PHACTR2: variants seen among roughly 807,000 people sequenced by gnomAD.
The protein encoded by PHACTR2 is phosphatase and actin regulator 2, also known as chromosome 6 open reading frame 56.
Under a neutral mutation model 76.0 loss-of-function variants are expected in PHACTR2, and 30 were observed. The observed-to-expected ratio is 0.39, with a 90% confidence interval of 0.30 to 0.54. The LOEUF (loss-of-function observed/expected upper bound fraction) is 0.54, where lower values mean the gene tolerates loss of function less well. PHACTR2 is among the 20% of genes least tolerant of loss of function. The pLI is 0.61. For missense variants in PHACTR2, 696 were observed against 781.1 expected (o/e 0.89, Z 1.30); for synonymous variants, 292 against 292.5 (o/e 1.00, Z 0.02).
At position 143,750,451 on chromosome 6, in the gene PHACTR2, G is replaced by A. The variant is rs1779157968; in HGVS notation, c.295+1386G>A. Reference sequence around the variant, plus strand: ...ATACCCATTGAAAGCTTAACACTGGGCCATCAGCTTTATGGGATGGGCCAA... The same window carrying A: ...ATACCCATTGAAAGCTTAACACTGGACCATCAGCTTTATGGGATGGGCCAA... On this transcript the variant is annotated intron_variant, in intron 3 of 12. Transcript: ENST00000440869. This position sits in a 1 kb window ranked among gnomAD's most constrained non-coding sequence, Gnocchi z 4.6. 6.6e-6 allele frequency among the ~76,000 whole-genome samples: 1 copy of A among 152,050 alleles called. No homozygotes were observed. The highest frequency in any genetic ancestry group is 6.6e-5 in the Admixed American group (1 of 15,240).
At position 143,654,228 on chromosome 6, in the gene PHACTR2, G is replaced by A. The variant is rs1423336011; in HGVS notation, c.13+45906G>A. On this transcript the variant is annotated intron_variant, in intron 1 of 11. Coordinates refer to the PHACTR2 transcript ENST00000305766. The surrounding 1 kb of genome is among the most constrained non-coding windows in gnomAD (Gnocchi z 4.6). ...AATAACAAGTGTTTGCAAGGATTTG[G>A]AGAAATTGATGGTGGAAATTTAAAA... 2.0e-5 allele frequency among the ~76,000 whole-genome samples: 3 copies of A among 152,172 alleles called. No individual in the cohort carries two copies. The highest frequency in any genetic ancestry group is 2.0e-4 in the Admixed American group (3 of 15,274).
Position 143,793,633 on chromosome 6 carries a change from A to G in PHACTR2, c.1845+4723A>G, listed in dbSNP as rs1210040909. Among the ~76,000 whole-genome samples, 1 of 152,132 alleles carries G rather than the reference A, an allele frequency of 6.6e-6. No individual in the cohort carries two copies. Among genetic ancestry groups the G allele is most frequent in the Non-Finnish European group, 1.5e-5 (1 of 68,030 alleles). ...TAAATAGAAAAAATATTGGCCAGGCATGGTGGCTCATGCCTGTAATCCTAG... is the reference window on the plus strand; with the variant it reads ...TAAATAGAAAAAATATTGGCCAGGCGTGGTGGCTCATGCCTGTAATCCTAG... On this transcript the variant is annotated intron_variant, in intron 11 of 12. Coordinates refer to ENST00000440869, the MANE Select transcript of PHACTR2 (RefSeq NM_001100164.2). The surrounding 1 kb of genome is among the most constrained non-coding windows in gnomAD (Gnocchi z 4.4).
In PHACTR2 at chr6:143,647,582, A is replaced by G. The variant is rs1776682208; in HGVS notation, c.13+39260A>G. 6.6e-6 allele frequency among the ~76,000 whole-genome samples: 1 copy of G among 152,176 alleles called. No homozygotes were observed. Among genetic ancestry groups the G allele is most frequent in the Non-Finnish European group, 1.5e-5 (1 of 68,034 alleles). On this transcript the variant is annotated intron_variant, in intron 1 of 11. Transcript: ENST00000305766. This position sits in a 1 kb window ranked among gnomAD's most constrained non-coding sequence, Gnocchi z 4.2. ...TTAGTTAAGTGAGATGGGGGCGGGA[A>G]AGAAGAGAAAATAGAGAGACAGAGA...
At chr6:143,744,852 T>A (rs1323815277) in intron 2 of PHACTR2, among the ~76,000 whole-genome samples, 2 of 152,104 alleles carry the variant, frequency 1.3e-5, no homozygotes, top group African/African-American at 4.8e-5. Flanking sequence ...CCAGAGAGAA[T>A]TAGAGTGTGC....
chr6:143,752,746 T>C (rs1271578576), intron 3 of PHACTR2, among the ~76,000 whole-genome samples: 1 of 152,180 alleles, frequency 6.6e-6, no homozygotes, highest in Non-Finnish European at 1.5e-5. Context: ...TTTATAATGA[T>C]TGCCAAGATA....
Position 143,774,278 on chromosome 6 carries a change from C to A in PHACTR2, c.1589+63C>A. 7.4e-7 allele frequency: 1 copy of A among 1,350,450 alleles called. No individual in the cohort carries two copies. The highest frequency in any genetic ancestry group is 1.3e-5 in the South Asian group (1 of 79,816). 83.7% of individuals were successfully genotyped at this position (1,350,450 alleles called of 1,614,324 possible). On this transcript the variant is annotated intron_variant, in intron 8 of 12. Coordinates refer to ENST00000440869, the MANE Select transcript of PHACTR2 (RefSeq NM_001100164.2). The surrounding 1 kb of genome is among the most constrained non-coding windows in gnomAD (Gnocchi z 5.4). Reference sequence around the variant, plus strand: ...GTATTTTTCTCCCTCCCAAAGCTTCCTACCTAACTGGGGTCATTGTGAATT... The same window carrying A: ...GTATTTTTCTCCCTCCCAAAGCTTCATACCTAACTGGGGTCATTGTGAATT...
At position 143,739,966 on chromosome 6, in the gene PHACTR2, G is replaced by A. The variant is rs1298188538; in HGVS notation, c.215-9019G>A. Among the ~76,000 whole-genome samples the A allele has an allele frequency of 6.6e-6, 1 of 152,068 alleles. No homozygotes were observed. The highest frequency in any genetic ancestry group is 2.4e-5 in the African/African-American group (1 of 41,392). On this transcript the variant is annotated intron_variant, in intron 2 of 12. Coordinates refer to ENST00000440869, the MANE Select transcript of PHACTR2 (RefSeq NM_001100164.2). This position sits in a 1 kb window ranked among gnomAD's most constrained non-coding sequence, Gnocchi z 4.3. ...CCCCAAGAGAGGGTTCTTGGATCTCGGACAAGAAAGAATTCAGGGGGAGTC... is the reference window on the plus strand; with the variant it reads ...CCCCAAGAGAGGGTTCTTGGATCTCAGACAAGAAAGAATTCAGGGGGAGTC...
intron 1 of PHACTR2, among the ~76,000 whole-genome samples, chr6:143,590,839 A>G (rs75175194): frequency 6.6e-6 from 1 of 152,170 alleles, no homozygotes; most frequent in Non-Finnish European, 1.5e-5. Flanking sequence ...CTTCCTGTGG[A>G]TGGTTAATTT....
At chr6:143,813,617 C>CAA (rs373797909) in intron 12 of PHACTR2, among the ~76,000 whole-genome samples, 1,106 of 61,350 alleles carry the variant, frequency 0.018, 27 homozygotes, top group Admixed American at 0.065. Context: ...GACTCCGCCT[C>CAA]AAAAAAAAAA....
intron 1 of PHACTR2, among the ~76,000 whole-genome samples, chr6:143,567,915 CTT>C (rs1775385734): frequency 6.6e-6 from 1 of 152,198 alleles, no homozygotes; most frequent in South Asian, 2.1e-4. Flanking sequence ...GAGCGTCAAA[CTT>C]TACCTCTAGA....
chr6:143,546,372 AC>A lies in PHACTR2; in HGVS notation c.217+9166del, dbSNP rs1163562710. On this transcript the variant is annotated intron_variant, in intron 1 of 11. Coordinates refer to the PHACTR2 transcript ENST00000367584. The surrounding 1 kb of genome is among the most constrained non-coding windows in gnomAD (Gnocchi z 4.9). Reference sequence around the variant, plus strand: ...ACTTGTGACTTAAAAAAAAAAAAAAACATGTTATCTCTCTCTAGAACTTTGG... The same window carrying A: ...ACTTGTGACTTAAAAAAAAAAAAAAAATGTTATCTCTCTCTAGAACTTTGG... Among the ~76,000 whole-genome samples, 5 of 149,734 alleles carry A rather than the reference AC, an allele frequency of 3.3e-5. No individual in the cohort carries two copies. Among genetic ancestry groups the A allele is most frequent in the African/African-American group, 1.2e-4 (5 of 40,800 alleles).
At chr6:143,749,355 G>A (rs963362132) in intron 3 of PHACTR2, among the ~76,000 whole-genome samples, 7 of 152,044 alleles carry the variant, frequency 4.6e-5, no homozygotes, top group Admixed American at 4.6e-4. Context: ...AAATGCTTAC[G>A]GCTCCTTCTC....
Position 143,760,259 on chromosome 6 carries a change from T to G in PHACTR2, c.455-142T>G. The G allele has an allele frequency of 1.4e-6, 1 of 693,724 alleles. No homozygotes were observed. The highest frequency in any genetic ancestry group is 2.4e-6 in the Non-Finnish European group (1 of 415,690). 43.0% of individuals were successfully genotyped at this position (693,724 alleles called of 1,614,324 possible). ...CAGCCTTTGTTTTCACCCTAAACTG[T>G]GCTCTGTCTGGTGCAGAACTCCATG... On this transcript the variant is annotated intron_variant, in intron 4 of 12. Transcript: ENST00000440869. This position sits in a 1 kb window ranked among gnomAD's most constrained non-coding sequence, Gnocchi z 6.4.
intron 6 of PHACTR2, among the ~76,000 whole-genome samples, chr6:143,766,828 C>T (rs1191716492): frequency 3.9e-5 from 6 of 152,168 alleles, no homozygotes; most frequent in African/African-American, 9.7e-5. Context: ...CATATTAGCC[C>T]TGTCTCACGA....
chr6:143,726,977 T>G (rs545940064), intron 2 of PHACTR2, among the ~76,000 whole-genome samples: 4 of 152,348 alleles, frequency 2.6e-5, no homozygotes, highest in African/African-American at 9.6e-5. Context: ...TCTAGCTGTT[T>G]TGTAATATAC....
In PHACTR2 at chr6:143,765,447, C is replaced by G; in HGVS notation, c.881C>G (p.Thr294Arg). Residue 294 changes from threonine to arginine, a missense_variant, in exon 6 of 13, where the codon ACA becomes AGA. This residue lies in a region of PHACTR2 where 460 missense variants were observed against 450.9 expected (regional missense o/e 1.02). Coordinates refer to ENST00000440869, the MANE Select transcript of PHACTR2 (RefSeq NM_001100164.2). The surrounding 1 kb of genome is among the most constrained non-coding windows in gnomAD (Gnocchi z 4.1). ...QPITSHLSSD[T>R]TTSGTSDLKG... Reference sequence around the variant, plus strand: ...ATAACTTCTCACCTGTCCTCAGACACAACAACTTCTGGCACATCCGACCTG... The same window carrying G: ...ATAACTTCTCACCTGTCCTCAGACAGAACAACTTCTGGCACATCCGACCTG... The G allele has an allele frequency of 6.2e-7, 1 of 1,614,224 alleles. No homozygotes were observed. The highest frequency in any genetic ancestry group is 8.5e-7 in the Non-Finnish European group (1 of 1,180,038).
rs945846430 is a variant in PHACTR2, at chr6:143,738,164, C to A, written c.215-10821C>A. Among the ~76,000 whole-genome samples the A allele has an allele frequency of 3.3e-5, 5 of 152,268 alleles. No homozygotes were observed. The highest frequency in any genetic ancestry group is 5.9e-5 in the Non-Finnish European group (4 of 68,000). ...CTGTGGCCCACGCCTGTAATCCTAG[C>A]ACTTTGGGAGTCCTAGGCAGGCGGA... On this transcript the variant is annotated intron_variant, in intron 2 of 12. Transcript: ENST00000440869. This position sits in a 1 kb window ranked among gnomAD's most constrained non-coding sequence, Gnocchi z 4.0.
At position 143,564,215 on chromosome 6, in the gene PHACTR2, ATATATATATATATATATATATG is replaced by A. The variant is rs1377031054; in HGVS notation, c.217+27012_217+27033del. On this transcript the variant is annotated intron_variant, in intron 1 of 11. Transcript: ENST00000367584. ...TGTGTGCATATATATATATATATAT[ATATATATATATATATATATATG>A]TATGCCACTGCACTCTAACCTTGGC... Among the ~76,000 whole-genome samples, 23 of 113,816 alleles carry A rather than the reference ATATATATATATATATATATATG, an allele frequency of 2.0e-4. 1 individual carries two copies. Among genetic ancestry groups the A allele is most frequent in the South Asian group, 6.5e-4 (2 of 3,074 alleles). 74.7% of individuals were successfully genotyped at this position (113,816 alleles called of 152,430 possible).
At chr6:143,749,710 A>G (rs925998716) in intron 3 of PHACTR2, among the ~76,000 whole-genome samples, 3 of 152,064 alleles carry the variant, frequency 2.0e-5, no homozygotes, top group Admixed American at 2.0e-4. Flanking sequence ...CCTCCCGAGG[A>G]GGAACTTTGT....
Sources: allele counts gnomAD v4.1 joint callset (sites outside exome capture counted in the v4.1 genomes callset), GRCh38; gene constraint gnomAD v4.1.1; regional missense constraint gnomAD v4.1.1; non-coding constraint Gnocchi (gnomAD v3.1); transcripts MANE v1.5; gene names NCBI Gene and HGNC (gene_info 2026-07-23, HGNC 2026-07-21).